MAP3K5: variants seen among roughly 807,000 people sequenced by gnomAD.
MAP3K5 encodes ASK-1.
A neutral mutation model predicts 158.7 loss-of-function variants in MAP3K5; 56 were observed. The observed-to-expected ratio is 0.35, with a 90% CI of 0.28 to 0.44. The LOEUF is 0.44. Ranked by LOEUF, MAP3K5 falls within the 20% of genes least tolerant of loss-of-function variation. MAP3K5 has a pLI of 1.00. For synonymous variants in MAP3K5, 579 were observed against 601.7 expected, an observed-to-expected ratio of 0.96 and a Z score of 0.55; for missense variants, 1,294 against 1,674.8, an observed-to-expected ratio of 0.77 and a Z score of 3.97.
intron 1 of MAP3K5, among the ~76,000 whole-genome samples, chr6:136,738,690 T>C (rs760441682): frequency 1.2e-4 from 19 of 152,164 alleles, no homozygotes; most frequent in African/African-American, 3.9e-4. Flanking sequence ...TCTATATGTA[T>C]ATTAGCCATC....
At chr6:136,580,271 A>G (rs770414316) in intron 25 of MAP3K5, 30 bp downstream of exon 25, 2 of 1,381,406 alleles carry the variant, frequency 1.4e-6, no homozygotes, top group Admixed American at 3.4e-5. Flanking sequence ...CAAGCACTAA[A>G]TATGTGCAGA....
In MAP3K5 at chr6:136,591,560, A is replaced by C. The variant is rs57155634; in HGVS notation, c.3225+613T>G. 0.012 allele frequency among the ~76,000 whole-genome samples: 1,888 copies of C among 152,366 alleles called. 95 individuals are homozygous for C. The East Asian group carries it at 0.14, about 11-fold the overall frequency. The stretch of plus-strand genomic sequence containing the variant: ...TTTGGTCATGTTTTTGTGACCAGAA[A>C]TATGCCATAGGAACTTAACTCTTGT... On this transcript the variant is annotated intron_variant, in intron 23 of 29. Transcript: ENST00000359015.
At chr6:136,736,664 G>A (rs907743011) in intron 1 of MAP3K5, among the ~76,000 whole-genome samples, 3 of 152,014 alleles carry the variant, frequency 2.0e-5, no homozygotes, top group African/African-American at 4.8e-5. Flanking sequence ...AAATCTATCA[G>A]TAAAGGAATT....
chr6:136,736,266 A>G (rs940472667), intron 1 of MAP3K5, among the ~76,000 whole-genome samples: 2 of 152,216 alleles, frequency 1.3e-5, no homozygotes, highest in Non-Finnish European at 2.9e-5. Context: ...AGGATTCAAC[A>G]TCTCTAAAAG....
chr6:136,743,449 C>CAAAACA (rs533575235), intron 1 of MAP3K5, among the ~76,000 whole-genome samples: 9 of 151,454 alleles, frequency 5.9e-5, no homozygotes, highest in Non-Finnish European at 1.2e-4. Context: ...GACTCTGTCT[C>CAAAACA]AAAACAAAAA....
intron 1 of MAP3K5, among the ~76,000 whole-genome samples, chr6:136,734,303 C>T (rs944297726): frequency 2.0e-5 from 3 of 151,404 alleles, no homozygotes; most frequent in African/African-American, 4.9e-5. Flanking sequence ...ACCTGTAATC[C>T]CAGCTACTTG....
chr6:136,661,909 T>C (rs1035271751), intron 8 of MAP3K5, among the ~76,000 whole-genome samples: 6 of 152,208 alleles, frequency 3.9e-5, no homozygotes, highest in African/African-American at 1.2e-4. Flanking sequence ...GTGGTGGTGA[T>C]ATTTGGTTTT....
At chr6:136,584,228 A>G (rs1400712607) in intron 23 of MAP3K5, among the ~76,000 whole-genome samples, 1 of 152,228 alleles carries the variant, frequency 6.6e-6, no homozygotes, top group Non-Finnish European at 1.5e-5. Context: ...TCTCAACCTG[A>G]AAGTCTGCCC....
chr6:136,783,863 A>G lies in MAP3K5; in HGVS notation c.448+7847T>C, dbSNP rs1784725923. Among the ~76,000 whole-genome samples the G allele has an allele frequency of 2.0e-5, 3 of 150,964 alleles. No individual in the cohort carries two copies. The South Asian group carries it at 6.3e-4, about 32-fold the overall frequency. ...GGAAAGCAGGCACGGTTGGTACCTC[A>G]TGCTGGAGAGACTTGCACATTTCCC... is the stretch of plus-strand genomic sequence containing the variant. On this transcript the variant is annotated intron_variant, in intron 1 of 29. Coordinates refer to ENST00000359015, the MANE Select transcript of MAP3K5 (RefSeq NM_005923.4).
intron 15 of MAP3K5, among the ~76,000 whole-genome samples, chr6:136,620,622 C>A (rs1214396414): frequency 6.6e-6 from 1 of 152,118 alleles, no homozygotes; most frequent in East Asian, 1.9e-4. Context: ...CCAGAGTCAG[C>A]CCATGATGTA....
At chr6:136,658,092 A>G (rs1778829582) in intron 9 of MAP3K5, among the ~76,000 whole-genome samples, 1 of 152,088 alleles carries the variant, frequency 6.6e-6, no homozygotes, top group African/African-American at 2.4e-5. Context: ...CATGAGGAAA[A>G]TTCTTTAAAC....
At chr6:136,562,458 G>T in intron 27 of MAP3K5, 45 bp downstream of exon 27, 1 of 982,072 alleles carries the variant, frequency 1.0e-6, no homozygotes, top group South Asian at 2.0e-5. Context: ...GCTTTTTGTG[G>T]CAGCCTGGCT....
At chr6:136,755,692 A>AGG (rs1248685288) in intron 1 of MAP3K5, among the ~76,000 whole-genome samples, 6 of 145,016 alleles carry the variant, frequency 4.1e-5, no homozygotes, top group Non-Finnish European at 9.2e-5. Context: ...CTGTCTCCAA[A>AGG]AAAAAAAAAA....
At chr6:136,608,691 T>A (rs1260964243) in intron 18 of MAP3K5, among the ~76,000 whole-genome samples, 1 of 152,172 alleles carries the variant, frequency 6.6e-6, no homozygotes, top group Non-Finnish European at 1.5e-5. Context: ...TTCAACCTCT[T>A]TGAACCTTCA....
intron 29 of MAP3K5, among the ~76,000 whole-genome samples, chr6:136,558,318 G>C (rs1373037153): frequency 6.6e-6 from 1 of 151,840 alleles, no homozygotes; most frequent in Non-Finnish European, 1.5e-5. Context: ...GGCGGAGCTT[G>C]CAGTGAGCTG....
chr6:136,739,610 T>TA (rs1176507491), intron 1 of MAP3K5, among the ~76,000 whole-genome samples: 1 of 152,162 alleles, frequency 6.6e-6, no homozygotes, highest in Non-Finnish European at 1.5e-5. Flanking sequence ...TTTAGTGCCT[T>TA]AAAAAAGTCT....
chr6:136,668,512 A>G (rs1478648687), intron 8 of MAP3K5, among the ~76,000 whole-genome samples: 1 of 152,200 alleles, frequency 6.6e-6, no homozygotes, highest in Non-Finnish European at 1.5e-5. Flanking sequence ...GTAATTCCTA[A>G]AAGAGTTGGA....
At chr6:136,763,913 C>T (rs1055766138) in intron 1 of MAP3K5, among the ~76,000 whole-genome samples, 1 of 152,174 alleles carries the variant, frequency 6.6e-6, no homozygotes, top group Admixed American at 6.5e-5. Context: ...ATGTGATACT[C>T]TGCACCACCT....
chr6:136,792,923 G>T (rs1027510867), upstream of MAP3K5, among the ~76,000 whole-genome samples: 1 of 152,164 alleles, frequency 6.6e-6, no homozygotes, highest in South Asian at 2.1e-4. This position sits in a 1 kb window ranked among gnomAD's most constrained non-coding sequence, Gnocchi z 5.7. Context: ...CTGCTAGGAA[G>T]CTCGAGCCCG....
Sources: gnomAD v4.1 joint callset for allele counts (sites outside exome capture counted in the v4.1 genomes callset) on GRCh38, gnomAD v4.1.1 for gene constraint, Gnocchi (gnomAD v3.1) non-coding constraint, MANE v1.5 for transcripts, NCBI Gene and HGNC (gene_info 2026-07-23, HGNC 2026-07-21) for gene names.